GRIN2B: variants seen among roughly 807,000 people sequenced by gnomAD.
GRIN2B encodes the protein glutamate ionotropic receptor NMDA type subunit 2B.
Under a neutral mutation model 114.5 loss-of-function variants are expected in GRIN2B, and 5 were observed. The observed-to-expected ratio is 0.04, with a 90% confidence interval of 0.02 to 0.09. GRIN2B has a LOEUF of 0.09. Among genes scored for constraint, GRIN2B ranks in the 10% least tolerant of loss-of-function variants. GRIN2B has a pLI of 1.00. For synonymous variants in GRIN2B, 787 were observed against 745.1 expected (o/e 1.06, Z -0.92); for missense variants, 1,108 against 1,943.5 (o/e 0.57, Z 8.08).
intron 3 of GRIN2B, among the ~76,000 whole-genome samples, chr12:13,826,408 T>A (rs1238953972): frequency 6.6e-6 from 1 of 151,974 alleles, no homozygotes; most frequent in East Asian, 1.9e-4. Context: ...GAGGCGGAGG[T>A]TGCGGTGAGC....
chr12:13,566,907 GT>G, intron 13 of GRIN2B, 117 bp downstream of exon 13: 1 of 783,940 alleles, frequency 1.3e-6, no homozygotes. Flanking sequence ...ACATGATGTG[GT>G]TTCTTGCTTG....
intron 5 of GRIN2B, among the ~76,000 whole-genome samples, chr12:13,640,655 T>C (rs1289850834): frequency 6.6e-6 from 1 of 152,186 alleles, no homozygotes; most frequent in Non-Finnish European, 1.5e-5. Flanking sequence ...ATCACAGTGA[T>C]GGCTGATTCT....
intron 2 of GRIN2B, among the ~76,000 whole-genome samples, chr12:13,871,862 G>T (rs947755540): frequency 1.3e-5 from 2 of 151,974 alleles, no homozygotes; most frequent in Non-Finnish European, 2.9e-5. Flanking sequence ...TAGGGAAAGG[G>T]GCTGAAAAGA....
chr12:13,677,017 G>A (rs1360143167), intron 4 of GRIN2B, among the ~76,000 whole-genome samples: 1 of 152,146 alleles, frequency 6.6e-6, no homozygotes, highest in Non-Finnish European at 1.5e-5. Flanking sequence ...TCTGGCTGCT[G>A]TCATCTGATG....
chr12:13,612,128 T>A (rs973031993), intron 8 of GRIN2B, among the ~76,000 whole-genome samples: 6 of 152,210 alleles, frequency 3.9e-5, no homozygotes, highest in Non-Finnish European at 7.3e-5. Context: ...ATCTGGGTAT[T>A]TCAGTAAATG....
chr12:13,773,517 C>G (rs545778980), intron 3 of GRIN2B, among the ~76,000 whole-genome samples: 2 of 152,282 alleles, frequency 1.3e-5, no homozygotes, highest in South Asian at 4.2e-4. Flanking sequence ...CAAAAGTGCT[C>G]AAAGGCAAGC....
rs1373856558 is a variant in GRIN2B at position 13,557,270 on chromosome 12, T to A, written c.*5513A>T. The A allele has an allele frequency of 6.6e-6, 1 of 152,162 alleles. No individual in the cohort carries two copies. Among genetic ancestry groups the A allele is most frequent in the Non-Finnish European group, 1.5e-5 (1 of 68,028 alleles). 9.4% of individuals were successfully genotyped at this position (152,162 alleles called of 1,614,324 possible). The stretch of plus-strand genomic sequence containing the variant: ...TGACTAATCTGCCATTTTAGTGTCA[T>A]CCCAAACATCTGCTAGGCCTAAGAA... On this transcript the variant is annotated 3_prime_UTR_variant, in exon 14 of 14. Transcript: ENST00000609686.
At chr12:13,613,491 C>T (rs1289405584) in intron 8 of GRIN2B, among the ~76,000 whole-genome samples, 1 of 152,082 alleles carries the variant, frequency 6.6e-6, no homozygotes, top group East Asian at 1.9e-4. Flanking sequence ...GGTCAGCTTA[C>T]AAACTGAGCC....
At chr12:13,877,358 A>G (rs1160915602) in intron 2 of GRIN2B, among the ~76,000 whole-genome samples, 1 of 152,234 alleles carries the variant, frequency 6.6e-6, no homozygotes, top group African/African-American at 2.4e-5. Context: ...TATCAGGCCA[A>G]CTATAGGTGC....
At chr12:13,920,365 G>C (rs1469047150) in intron 2 of GRIN2B, among the ~76,000 whole-genome samples, 3 of 152,052 alleles carry the variant, frequency 2.0e-5, no homozygotes, top group East Asian at 3.9e-4. Flanking sequence ...ATCATTCATT[G>C]GTACTTTAAC....
intron 5 of GRIN2B, among the ~76,000 whole-genome samples, chr12:13,661,750 C>G (rs1358623301): frequency 6.6e-6 from 1 of 152,152 alleles, no homozygotes; most frequent in African/African-American, 2.4e-5. Flanking sequence ...CAACCAAAGG[C>G]GGCCCCGCAG....
At chr12:13,649,498 AC>A (rs1309380158) in intron 5 of GRIN2B, among the ~76,000 whole-genome samples, 1 of 152,106 alleles carries the variant, frequency 6.6e-6, no homozygotes, top group African/African-American at 2.4e-5. Flanking sequence ...AAATTAAGCA[AC>A]TTTTTTTACT....
intron 3 of GRIN2B, among the ~76,000 whole-genome samples, chr12:13,845,713 G>T (rs991082893): frequency 5.3e-5 from 8 of 152,148 alleles, no homozygotes; most frequent in African/African-American, 1.9e-4. Flanking sequence ...AAGATAACAT[G>T]TTCATCTGGA....
intron 4 of GRIN2B, among the ~76,000 whole-genome samples, chr12:13,742,666 G>A (rs1396375477): frequency 1.3e-5 from 2 of 152,104 alleles, no homozygotes; most frequent in African/African-American, 2.4e-5. Flanking sequence ...CCTGACCTCC[G>A]GTAATCTGCC....
chr12:13,848,353 G>A (rs1420559116), intron 3 of GRIN2B, among the ~76,000 whole-genome samples: 1 of 152,062 alleles, frequency 6.6e-6, no homozygotes, highest in African/African-American at 2.4e-5. Context: ...CTGGGGCCAC[G>A]TGGAGGACAG....
chr12:13,819,871 G>C (rs1375424172), intron 3 of GRIN2B, among the ~76,000 whole-genome samples: 1 of 152,110 alleles, frequency 6.6e-6, no homozygotes, highest in Non-Finnish European at 1.5e-5. Context: ...AATCCAGAAG[G>C]TCCAGGGTCC....
intron 4 of GRIN2B, among the ~76,000 whole-genome samples, chr12:13,719,091 T>A (rs925397780): frequency 3.9e-5 from 6 of 151,908 alleles, no homozygotes; most frequent in African/African-American, 1.4e-4. Flanking sequence ...GAAATCTCAC[T>A]CAGTTAACTC....
intron 4 of GRIN2B, among the ~76,000 whole-genome samples, chr12:13,723,521 C>A (rs954366109): frequency 2.7e-5 from 4 of 149,270 alleles, no homozygotes; most frequent in Admixed American, 2.7e-4. Context: ...GTGCCTCATT[C>A]TCTGCCATCA....
chr12:13,898,735 A>T (rs1215377938), intron 2 of GRIN2B, among the ~76,000 whole-genome samples: 1 of 152,218 alleles, frequency 6.6e-6, no homozygotes, highest in Non-Finnish European at 1.5e-5. Flanking sequence ...GACATGGAGA[A>T]ACCCCATCTC....
Sources: gnomAD v4.1 joint callset for allele counts (sites outside exome capture counted in the v4.1 genomes callset) on GRCh38, gnomAD v4.1.1 for gene constraint, MANE v1.5 for transcripts, NCBI Gene and HGNC (gene_info 2026-07-23, HGNC 2026-07-21) for gene names.